The following NRXN1 variants were observed in gnomAD, a reference collection of about 807,000 sequenced individuals.
NRXN1 encodes neurexin 1, also known as neurexin-1.
In NRXN1, 39 loss-of-function variants were observed where a neutral mutation model predicts 150.9. That is an observed-to-expected ratio of 0.26 (90% CI 0.20 to 0.34). NRXN1 has a LOEUF of 0.34. NRXN1 is among the 10% of genes least tolerant of loss of function. The pLI is 1.00. For synonymous variants in NRXN1, 924 were observed against 757.0 expected, an observed-to-expected ratio of 1.22 and a Z score of -3.62; for missense variants, 1,815 against 1,949.9, an observed-to-expected ratio of 0.93 and a Z score of 1.30.
At chr2:50,854,873 C>A (rs1675040668) in intron 5 of NRXN1, among the ~76,000 whole-genome samples, 1 of 151,906 alleles carries the variant, frequency 6.6e-6, no homozygotes, top group African/African-American at 2.4e-5. Flanking sequence ...GGATGATGTA[C>A]AGGAGTGGAA....
At chr2:50,649,471 A>G (rs1343165933) in intron 5 of NRXN1, among the ~76,000 whole-genome samples, 1 of 151,936 alleles carries the variant, frequency 6.6e-6, no homozygotes, top group Non-Finnish European at 1.5e-5. Flanking sequence ...CAAATGAGAA[A>G]CCCTAGATTT....
At position 50,626,049 on chromosome 2, in the gene NRXN1, T is replaced by C. The variant is rs567399445; in HGVS notation, c.833-2434A>G. Among the ~76,000 whole-genome samples the C allele has an allele frequency of 1.2e-3, 181 of 152,134 alleles. No homozygotes were observed. In the Middle Eastern group the frequency reaches 0.02, roughly 17 times the overall value. On this transcript the variant is annotated intron_variant, in intron 5 of 22. Transcript: ENST00000401669. ...AGCTAATGCAGGAAGACAAGAAAAGTATATGAACATTGTAAAGATTATAAA... is the reference window on the plus strand; with the variant it reads ...AGCTAATGCAGGAAGACAAGAAAAGCATATGAACATTGTAAAGATTATAAA...
chr2:50,422,576 T>C (rs972042493), intron 17 of NRXN1, among the ~76,000 whole-genome samples: 2 of 152,184 alleles, frequency 1.3e-5, no homozygotes, highest in Admixed American at 6.5e-5. Flanking sequence ...ATTTTATTTC[T>C]AGGGTTGGCT....
Position 50,095,960 on chromosome 2 carries a change from C to T in NRXN1, c.3547-4466G>A, listed in dbSNP as rs377451580. 1.1e-4 allele frequency among the ~76,000 whole-genome samples: 14 copies of T among 127,956 alleles called. 1 individual carries two copies. The East Asian group carries it at 1.4e-3, about 13-fold the overall frequency. 83.9% of individuals were successfully genotyped at this position (127,956 alleles called of 152,430 possible). On this transcript the variant is annotated intron_variant, in intron 18 of 22. Coordinates refer to ENST00000401669, the MANE Select transcript of NRXN1 (RefSeq NM_001330078.2). ...CCTCCCCCCACCCCACAACAGGCCC[C>T]GGTGTGTGATGTTCCCCTTCCTGTG...
intron 12 of NRXN1, among the ~76,000 whole-genome samples, chr2:50,509,501 C>A (rs1414796681): frequency 2.0e-5 from 3 of 152,196 alleles, no homozygotes; most frequent in African/African-American, 7.2e-5. Context: ...AATTTGCTAA[C>A]ACACTCAACT....
At chr2:50,973,252 C>T (rs748619777) in intron 2 of NRXN1, among the ~76,000 whole-genome samples, 6 of 152,066 alleles carry the variant, frequency 3.9e-5, no homozygotes, top group Non-Finnish European at 8.8e-5. Context: ...ATTAGCTAAA[C>T]AAATCAGACC....
At chr2:50,326,705 C>G (rs1205863294) in intron 17 of NRXN1, among the ~76,000 whole-genome samples, 1 of 152,034 alleles carries the variant, frequency 6.6e-6, no homozygotes, top group Non-Finnish European at 1.5e-5. Context: ...TAATTATATT[C>G]TATGTACATA....
chr2:50,129,436 A>G (rs1382225165), intron 18 of NRXN1, among the ~76,000 whole-genome samples: 1 of 152,238 alleles, frequency 6.6e-6, no homozygotes, highest in African/African-American at 2.4e-5. Flanking sequence ...CTCCACATGG[A>G]AAATAAATTG....
intron 21 of NRXN1, among the ~76,000 whole-genome samples, chr2:50,004,417 T>G (rs1684432599): frequency 6.6e-6 from 1 of 152,116 alleles, no homozygotes; most frequent in Admixed American, 6.6e-5. Context: ...GGTGTCAATT[T>G]GTATGTGATT....
chr2:50,817,621 A>G (rs1178149307), intron 5 of NRXN1, among the ~76,000 whole-genome samples: 1 of 152,024 alleles, frequency 6.6e-6, no homozygotes, highest in Non-Finnish European at 1.5e-5. Flanking sequence ...AATACTAACA[A>G]AGCAAATTTA....
intron 5 of NRXN1, among the ~76,000 whole-genome samples, chr2:50,627,388 T>C (rs1022507053): frequency 7.9e-5 from 10 of 126,366 alleles, no homozygotes; most frequent in East Asian, 4.5e-4. Flanking sequence ...TGTGTGTGTG[T>C]GTGTGTGCGC....
At chr2:50,244,375 T>C (rs1055788185) in intron 17 of NRXN1, among the ~76,000 whole-genome samples, 2 of 151,898 alleles carry the variant, frequency 1.3e-5, no homozygotes, top group Non-Finnish European at 2.9e-5. Flanking sequence ...TAGAATGAGA[T>C]GTTAATGATG....
intron 2 of NRXN1, among the ~76,000 whole-genome samples, chr2:50,956,052 G>A (rs1692228867): frequency 6.6e-6 from 1 of 152,062 alleles, no homozygotes; most frequent in Admixed American, 6.6e-5. Context: ...TTTTTTAAAT[G>A]TCCAGTTAGT....
chr2:50,080,031 T>C (rs895899114), intron 19 of NRXN1, among the ~76,000 whole-genome samples: 3 of 152,052 alleles, frequency 2.0e-5, no homozygotes, highest in African/African-American at 7.2e-5. Context: ...CCATTCTGAG[T>C]AGCAAGATAA....
intron 21 of NRXN1, among the ~76,000 whole-genome samples, chr2:49,994,772 G>A (rs1682649741): frequency 6.6e-6 from 1 of 152,196 alleles, no homozygotes; most frequent in African/African-American, 2.4e-5. Context: ...TGATGATACA[G>A]TCAAACAAGA....
intron 5 of NRXN1, among the ~76,000 whole-genome samples, chr2:50,824,231 A>C (rs1670130244): frequency 6.6e-6 from 1 of 152,138 alleles, no homozygotes; most frequent in Non-Finnish European, 1.5e-5. Flanking sequence ...CCAATATATA[A>C]AAGAGCTACC....
intron 18 of NRXN1, among the ~76,000 whole-genome samples, chr2:50,183,120 C>G (rs1239451328): frequency 6.6e-6 from 1 of 151,950 alleles, no homozygotes. Context: ...GAAGTTAGAG[C>G]TAAGAATTTC....
intron 19 of NRXN1, among the ~76,000 whole-genome samples, chr2:50,083,884 G>C (rs1216321013): frequency 6.6e-6 from 1 of 152,100 alleles, no homozygotes; most frequent in South Asian, 2.1e-4. Context: ...CAATCCCTTA[G>C]GTAGACATAA....
chr2:50,630,076 AAG>A (rs1681987186), intron 5 of NRXN1, among the ~76,000 whole-genome samples: 1 of 151,706 alleles, frequency 6.6e-6, no homozygotes, highest in Admixed American at 6.6e-5. Context: ...GAAAATATTT[AAG>A]AGTCTGCCAT....
Sources: gnomAD v4.1 joint callset for allele counts (sites outside exome capture counted in the v4.1 genomes callset) on GRCh38, gnomAD v4.1.1 for gene constraint, MANE v1.5 for transcripts, NCBI Gene and HGNC (gene_info 2026-07-23, HGNC 2026-07-21) for gene names.